NR2F1-AS1: variants seen among roughly 807,000 people sequenced by gnomAD.
NR2F1-AS1 encodes the protein NR2F1 antisense RNA 1.
At chr5:93,435,648 C>A (rs1749418314) in intron 4 of NR2F1-AS1, among the ~76,000 whole-genome samples, 1 of 152,138 alleles carries the variant, frequency 6.6e-6, no homozygotes, top group African/African-American at 2.4e-5. Context: ...GCCTGGAATG[C>A]CCCTCCTGAT....
chr5:93,496,806 A>T (rs1489112337), intron 4 of NR2F1-AS1, among the ~76,000 whole-genome samples: 2 of 152,186 alleles, frequency 1.3e-5, no homozygotes, highest in African/African-American at 2.4e-5. Flanking sequence ...ATCCTTTTAT[A>T]GGAGTCAGCA....
At chr5:93,562,440 T>C (rs1324291099) in intron 2 of NR2F1-AS1, among the ~76,000 whole-genome samples, 2 of 151,820 alleles carry the variant, frequency 1.3e-5, no homozygotes, top group African/African-American at 4.8e-5. Context: ...CACAGGCACA[T>C]GCCACCAAGC....
At chr5:93,560,675 T>C (rs1165322129) in intron 2 of NR2F1-AS1, among the ~76,000 whole-genome samples, 1 of 152,212 alleles carries the variant, frequency 6.6e-6, no homozygotes, top group East Asian at 1.9e-4. Context: ...TCTTGTAAAA[T>C]ATACATCTCA....
At chr5:93,440,938 C>T (rs1003785725) in intron 4 of NR2F1-AS1, among the ~76,000 whole-genome samples, 5 of 152,166 alleles carry the variant, frequency 3.3e-5, no homozygotes, top group Admixed American at 1.3e-4. Flanking sequence ...TACTCCTTTA[C>T]TCCAAAAACC....
chr5:93,465,925 G>A (rs1750219313), intron 4 of NR2F1-AS1, among the ~76,000 whole-genome samples: 1 of 151,526 alleles, frequency 6.6e-6, no homozygotes. Context: ...GGCCTGTTGT[G>A]GGGTGGGGGG....
intron 4 of NR2F1-AS1, among the ~76,000 whole-genome samples, chr5:93,495,868 T>C (rs1750949691): frequency 6.6e-6 from 1 of 152,132 alleles, no homozygotes; most frequent in Non-Finnish European, 1.5e-5. Context: ...TCAAATTTTC[T>C]GAATTTATGC....
At chr5:93,500,374 A>G (rs529990881) in intron 4 of NR2F1-AS1, among the ~76,000 whole-genome samples, 4 of 152,240 alleles carry the variant, frequency 2.6e-5, no homozygotes, top group South Asian at 2.1e-4. Context: ...CCTGTGCTCT[A>G]TAAATGGAAC....
intron 4 of NR2F1-AS1, among the ~76,000 whole-genome samples, chr5:93,532,435 A>G (rs1327832758): frequency 6.6e-6 from 1 of 152,150 alleles, no homozygotes; most frequent in East Asian, 1.9e-4. Flanking sequence ...GGATTGTGCA[A>G]TAGAATCCTG....
intron 1 of NR2F1-AS1, among the ~76,000 whole-genome samples, chr5:93,573,615 A>G (rs191091517): frequency 6.6e-6 from 1 of 152,336 alleles, no homozygotes; most frequent in East Asian, 1.9e-4. Flanking sequence ...TCCCAGCATA[A>G]TCCAATTAAA....
intron 4 of NR2F1-AS1, among the ~76,000 whole-genome samples, chr5:93,495,667 A>G (rs1453576455): frequency 6.6e-6 from 1 of 152,150 alleles, no homozygotes; most frequent in Non-Finnish European, 1.5e-5. Flanking sequence ...AATCTTTAAC[A>G]TAAATACATG....
At chr5:93,489,448 T>C (rs1017033128) in intron 4 of NR2F1-AS1, among the ~76,000 whole-genome samples, 1 of 152,022 alleles carries the variant, frequency 6.6e-6, no homozygotes, top group African/African-American at 2.4e-5. Flanking sequence ...GGCATAATGC[T>C]ATTGCACAAA....
At chr5:93,493,398 A>T (rs1372798936) in intron 4 of NR2F1-AS1, among the ~76,000 whole-genome samples, 1 of 152,060 alleles carries the variant, frequency 6.6e-6, no homozygotes, top group Non-Finnish European at 1.5e-5. Context: ...GCTGAAAGAA[A>T]CTTTAAAAGA....
chr5:93,509,978 T>C (rs1174450569), intron 4 of NR2F1-AS1, among the ~76,000 whole-genome samples: 1 of 151,998 alleles, frequency 6.6e-6, no homozygotes, highest in Non-Finnish European at 1.5e-5. Context: ...TGATACAATA[T>C]GCTTGTAGAG....
At chr5:93,441,514 G>A (rs7714208) in intron 4 of NR2F1-AS1, among the ~76,000 whole-genome samples, 4,542 of 152,244 alleles carry the variant, frequency 0.03, 214 homozygotes, top group African/African-American at 0.1. Flanking sequence ...TTAGTCGGTT[G>A]CCCCCAGTTT....
intron 4 of NR2F1-AS1, among the ~76,000 whole-genome samples, chr5:93,552,380 C>A (rs998055553): frequency 3.3e-5 from 5 of 152,038 alleles, no homozygotes; most frequent in Admixed American, 2.6e-4. Context: ...AATACCTTAT[C>A]ATGGTAGGAT....
chr5:93,539,641 C>G (rs774731204), intron 4 of NR2F1-AS1, among the ~76,000 whole-genome samples: 24 of 152,004 alleles, frequency 1.6e-4, no homozygotes, highest in Non-Finnish European at 3.1e-4. Context: ...AGAGGTTGGT[C>G]AATGGGTGCA....
intron 4 of NR2F1-AS1, among the ~76,000 whole-genome samples, chr5:93,495,584 T>C (rs1343931703): frequency 6.6e-6 from 1 of 152,102 alleles, no homozygotes; most frequent in Admixed American, 6.6e-5. Context: ...GTAATGGAGA[T>C]AAGTTAAGAA....
intron 4 of NR2F1-AS1, among the ~76,000 whole-genome samples, chr5:93,506,649 C>T (rs1751191206): frequency 6.6e-6 from 1 of 152,046 alleles, no homozygotes; most frequent in South Asian, 2.1e-4. Flanking sequence ...GACTTAGTCT[C>T]GTGATAAACC....
chr5:93,458,193 G>A (rs1433040884), intron 4 of NR2F1-AS1, among the ~76,000 whole-genome samples: 1 of 152,104 alleles, frequency 6.6e-6, no homozygotes, highest in Admixed American at 6.6e-5. Flanking sequence ...AGCATACAGA[G>A]GACCCGCGCT....
Sources: gnomAD v4.1 joint callset for allele counts (sites outside exome capture counted in the v4.1 genomes callset) on GRCh38, gnomAD v4.1.1 for gene constraint, MANE v1.5 for transcripts, NCBI Gene and HGNC (gene_info 2026-07-23, HGNC 2026-07-21) for gene names.